Variants in DENND4C observed in about 807,000 individuals in gnomAD.
DENND4C encodes the protein DENN domain containing 4C.
DENND4C carries 108 observed loss-of-function variants against 203.0 expected under a neutral mutation model. That is an observed-to-expected ratio of 0.53 (90% CI 0.46 to 0.62). The LOEUF is 0.62. Among genes scored for constraint, DENND4C ranks in the 20% least tolerant of loss-of-function variants. The probability of loss-of-function intolerance (pLI) is 0.00; values close to 1 mark genes in which losing one functional copy is unlikely to be tolerated. For synonymous variants in DENND4C, 871 were observed against 792.4 expected, an observed-to-expected ratio of 1.10 and a Z score of -1.67; for missense variants, 2,481 against 2,301.2, an observed-to-expected ratio of 1.08 and a Z score of -1.60.
intron 21 of DENND4C, among the ~76,000 whole-genome samples, chr9:19,342,380 G>A (rs1821855456): frequency 6.6e-6 from 1 of 152,176 alleles, no homozygotes; most frequent in Admixed American, 6.5e-5. Context: ...GAAGGCCAGA[G>A]ACTTAATTGA....
intron 23 of DENND4C, among the ~76,000 whole-genome samples, chr9:19,347,333 G>T (rs1435149475): frequency 6.6e-6 from 1 of 152,134 alleles, no homozygotes; most frequent in Non-Finnish European, 1.5e-5. Flanking sequence ...GTTTCACCAT[G>T]TTGGCCAGGC....
intron 1 of DENND4C, among the ~76,000 whole-genome samples, chr9:19,233,833 T>C (rs1200856453): frequency 2.0e-5 from 3 of 152,220 alleles, no homozygotes; most frequent in Admixed American, 6.5e-5. Context: ...TCCACCTGCC[T>C]ACGCCTCTGA....
At chr9:19,360,561 T>TACA (rs112826010) in intron 29 of DENND4C, 72 bp downstream of exon 29, 47 of 1,568,812 alleles carry the variant, frequency 3.0e-5, no homozygotes, top group Admixed American at 9.0e-5. Context: ...CCTGAAAGTA[T>TACA]ACAACAGTAG....
chr9:19,340,757 A>T (rs111277302), intron 20 of DENND4C, among the ~76,000 whole-genome samples: 17 of 152,326 alleles, frequency 1.1e-4, no homozygotes, highest in African/African-American at 4.1e-4. Flanking sequence ...TAATTTACAG[A>T]TGAAGAAATT....
rs1033777350 is a variant in DENND4C at position 19,230,720 on chromosome 9, T to A, written c.-131T>A. ...ACCGGACTGAGGCGGCGGCGGCCGC[T>A]GGAGCTAGTCCCCCGCCCTGCCCTG... On this transcript the variant is annotated 5_prime_UTR_variant, in exon 1 of 33. Coordinates refer to ENST00000434457, the MANE Select transcript of DENND4C (RefSeq NM_001330640.2). The A allele has an allele frequency of 1.1e-4, 17 of 152,124 alleles. No individual in the cohort carries two copies. Among genetic ancestry groups the A allele is most frequent in the African/African-American group, 4.1e-4 (17 of 41,416 alleles). 9.4% of individuals were successfully genotyped at this position (152,124 alleles called of 1,614,324 possible).
intron 27 of DENND4C, chr9:19,357,432 G>A: frequency 3.0e-6 from 1 of 337,362 alleles, no homozygotes; most frequent in Non-Finnish European, 5.4e-6. Context: ...GTTTCCAGAG[G>A]CGAAATGTTC....
chr9:19,288,998 C>T (rs923932673), intron 4 of DENND4C, among the ~76,000 whole-genome samples: 2 of 152,158 alleles, frequency 1.3e-5, no homozygotes, highest in African/African-American at 2.4e-5. Context: ...TTTTGGCAAT[C>T]AGAAAGGTGT....
chr9:19,314,471 A>C (rs570447147), intron 10 of DENND4C, among the ~76,000 whole-genome samples: 13 of 152,230 alleles, frequency 8.5e-5, no homozygotes, highest in African/African-American at 1.2e-4. Flanking sequence ...AGTGTATACT[A>C]CTTGGGTGAT....
chr9:19,289,076 T>C (rs1372977811), intron 4 of DENND4C, among the ~76,000 whole-genome samples: 1 of 152,222 alleles, frequency 6.6e-6, no homozygotes, highest in Admixed American at 6.5e-5. Context: ...AACCACATGT[T>C]ACTTGCCATG....
intron 22 of DENND4C, among the ~76,000 whole-genome samples, chr9:19,345,459 A>C (rs7030117): frequency 0.022 from 3,314 of 152,340 alleles, 124 homozygotes; most frequent in African/African-American, 0.074. Flanking sequence ...AGTGCTAAGC[A>C]TTCCATTCCG....
Position 19,352,197 on chromosome 9 carries a change from TTC to T in DENND4C, c.4605+16_4605+17del. On this transcript the variant is annotated intron_variant, in intron 25 of 32. Coordinates refer to ENST00000434457, the MANE Select transcript of DENND4C (RefSeq NM_001330640.2). ...GTGCAATGGAGGTAAAAGTTCTATA[TTC>T]AGTTCATGATAAAGTAGCTGTAAGC... is the stretch of plus-strand genomic sequence containing the variant. 1 of 1,599,676 alleles carries T rather than the reference TTC, an allele frequency of 6.3e-7. No individual in the cohort carries two copies. The highest frequency in any genetic ancestry group is 2.2e-5 in the East Asian group (1 of 44,722).
At chr9:19,231,340 C>A (rs1820499574) in intron 1 of DENND4C, among the ~76,000 whole-genome samples, 1 of 152,068 alleles carries the variant, frequency 6.6e-6, no homozygotes, top group South Asian at 2.1e-4. Flanking sequence ...GGGACCTGGG[C>A]AGGTGTCTCT....
At chr9:19,323,848 T>C (rs1843290945) in intron 12 of DENND4C, among the ~76,000 whole-genome samples, 1 of 152,162 alleles carries the variant, frequency 6.6e-6, no homozygotes, top group Non-Finnish European at 1.5e-5. Context: ...TTTCGTGGTT[T>C]AATTAGGCAG....
At chr9:19,231,412 G>T (rs998467818) in intron 1 of DENND4C, among the ~76,000 whole-genome samples, 3 of 152,098 alleles carry the variant, frequency 2.0e-5, no homozygotes, top group Non-Finnish European at 4.4e-5. Flanking sequence ...CTTCTTTGTC[G>T]GGGATGACTT....
rs189493309 is a variant in DENND4C, at chr9:19,355,177, C to T, written c.4782-1795C>T. 7.8e-4 allele frequency among the ~76,000 whole-genome samples: 118 copies of T among 151,800 alleles called. No homozygotes were observed. In the East Asian group the frequency reaches 0.016, roughly 21 times the overall value. Reference sequence around the variant, plus strand: ...CGCCCACCTTGGTCTCCCAAAGTGCCGGGATTACAGGCGTCAGCCACCATG... The same window carrying T: ...CGCCCACCTTGGTCTCCCAAAGTGCTGGGATTACAGGCGTCAGCCACCATG... On this transcript the variant is annotated intron_variant, in intron 26 of 32. Transcript: ENST00000434457.
chr9:19,321,688 T>C (rs1842904248), intron 12 of DENND4C, among the ~76,000 whole-genome samples: 1 of 151,500 alleles, frequency 6.6e-6, no homozygotes, highest in South Asian at 2.1e-4. Context: ...CTACTAAAAA[T>C]ACAAAAATTA....
intron 10 of DENND4C, among the ~76,000 whole-genome samples, chr9:19,314,986 A>G (rs1406522711): frequency 6.6e-6 from 1 of 151,922 alleles, no homozygotes; most frequent in Non-Finnish European, 1.5e-5. Context: ...ACATGATGAA[A>G]CCCTGTCTCT....
intron 1 of DENND4C, among the ~76,000 whole-genome samples, chr9:19,268,995 G>A (rs1249245865): frequency 1.3e-5 from 2 of 152,030 alleles, no homozygotes; most frequent in Non-Finnish European, 2.9e-5. Flanking sequence ...GAAGTTCTCT[G>A]TAGTATATCT....
intron 1 of DENND4C, among the ~76,000 whole-genome samples, chr9:19,231,262 C>G (rs1820474257): frequency 6.6e-6 from 1 of 152,054 alleles, no homozygotes; most frequent in South Asian, 2.1e-4. Flanking sequence ...AGAGCTAGAG[C>G]CAGGGGTGGC....
Sources: gnomAD v4.1 joint callset for allele counts (sites outside exome capture counted in the v4.1 genomes callset) on GRCh38, gnomAD v4.1.1 for gene constraint, MANE v1.5 for transcripts, NCBI Gene and HGNC (gene_info 2026-07-23, HGNC 2026-07-21) for gene names.